Variants in SUMF2 observed in about 807,000 individuals in gnomAD.
The protein encoded by SUMF2 is sulfatase modifying factor 2, also known as inactive C-alpha-formylglycine-generating enzyme 2.
SUMF2 carries 45 observed loss-of-function variants against 44.8 expected under a neutral mutation model. The ratio of observed to expected loss-of-function variants is 1.00; its 90% confidence interval spans 0.79 to 1.29. SUMF2 has a LOEUF of 1.29. SUMF2 is among the 50% of genes most tolerant of loss of function. SUMF2 has a pLI of 0.00. For missense variants in SUMF2, 418 were observed against 389.9 expected (o/e 1.07, Z -0.61); for synonymous variants, 148 against 150.4 (o/e 0.98, Z 0.12).
rs1794955023 is a variant in SUMF2 at position 56,068,472 on chromosome 7, T to C, written c.68-10T>C. ...CATGTATTACTGGTAACTCTCTTTT[T>C]TCTCTGCAGGAAATGGACAGGCTAC... On this transcript the variant is annotated splice_polypyrimidine_tract_variant and intron_variant, in intron 1 of 8. Coordinates refer to ENST00000434526, the MANE Select transcript of SUMF2 (RefSeq NM_015411.4). 3 of 1,598,280 alleles carry C rather than the reference T, an allele frequency of 1.9e-6. No homozygotes were observed. The highest frequency in any genetic ancestry group is 1.7e-4 in the Middle Eastern group (1 of 6,032).
the SUMF2 span, chr7:56,087,525 A>G: frequency 6.8e-6 from 10 of 1,472,482 alleles, no homozygotes; most frequent in Admixed American, 1.7e-5. Flanking sequence ...GTGGGGCCAC[A>G]CTCCCTGGCT....
intron 5 of SUMF2, among the ~76,000 whole-genome samples, chr7:56,075,462 C>T (rs1030024484): frequency 1.3e-5 from 2 of 151,758 alleles, no homozygotes; most frequent in African/African-American, 2.4e-5. Context: ...TTTGGGAGGC[C>T]GAGGTGGGTG....
intron 2 of SUMF2, among the ~76,000 whole-genome samples, 167 bp downstream of exon 2, chr7:56,068,805 C>A (rs1392110162): frequency 2.6e-5 from 4 of 151,720 alleles, no homozygotes; most frequent in Non-Finnish European, 5.9e-5. Flanking sequence ...CGGGTTCAAG[C>A]AATTCTCCTG....
chr7:56,067,617 G>C (rs903599386), intron 1 of SUMF2, among the ~76,000 whole-genome samples: 1 of 152,032 alleles, frequency 6.6e-6, no homozygotes, highest in Non-Finnish European at 1.5e-5. Flanking sequence ...TCTCAGCTGG[G>C]CGTGCTGGCT....
At chr7:56,086,603 C>T in the SUMF2 span, among the ~76,000 whole-genome samples, 1 of 152,146 alleles carries the variant, frequency 6.6e-6, no homozygotes, top group African/African-American at 2.4e-5. Context: ...ATTCTCCTGC[C>T]TCAGCCTCCC....
At chr7:56,070,022 C>T (rs528863158) in intron 2 of SUMF2, among the ~76,000 whole-genome samples, 5 of 152,254 alleles carry the variant, frequency 3.3e-5, no homozygotes, top group African/African-American at 9.6e-5. Flanking sequence ...GATTCTCCTA[C>T]CTCAGCCTCC....
Position 56,078,493 on chromosome 7 carries a change from C to T in SUMF2, c.806C>T (p.Ala269Val), listed in dbSNP as rs1396266826. The T allele has an allele frequency of 1.3e-6, 2 of 1,577,130 alleles. No homozygotes were observed. Among genetic ancestry groups the T allele is most frequent in the Non-Finnish European group, 8.6e-7 (1 of 1,160,974 alleles). The change falls in exon 8 of 9, where the codon GCC becomes GTC. Residue 269 changes from alanine (A) to valine (V), a missense_variant. Coordinates refer to ENST00000434526, the MANE Select transcript of SUMF2 (RefSeq NM_015411.4). The part of the protein sequence containing the change: ...DTADGSANHR[A>V]RVTTRMGNTP... Reference sequence around the variant, plus strand: ...GCTGATGGCTCTGCCAATCACCGGGCCCGGGTCACCACCAGGTAAGGGGCT... The same window carrying T: ...GCTGATGGCTCTGCCAATCACCGGGTCCGGGTCACCACCAGGTAAGGGGCT...
At chr7:56,079,040 G>A in intron 8 of SUMF2, 1 of 558,512 alleles carries the variant, frequency 1.8e-6, no homozygotes, top group Middle Eastern at 2.8e-4. Flanking sequence ...GGGACTACAG[G>A]TGCGGCTAAT....
downstream of SUMF2, chr7:56,081,984 T>C: frequency 6.2e-7 from 1 of 1,613,936 alleles, no homozygotes. The surrounding 1 kb of genome is among the most constrained non-coding windows in gnomAD (Gnocchi z 4.6). Flanking sequence ...CAGCATCTGC[T>C]TCCGGTGCCA....
downstream of SUMF2, among the ~76,000 whole-genome samples, chr7:56,085,469 G>A (rs749397699): frequency 3.3e-5 from 5 of 152,148 alleles, no homozygotes; most frequent in African/African-American, 4.8e-5. Flanking sequence ...GAAATAAGGG[G>A]CTCATCTTAC....
chr7:56,072,568 C>T (rs930885541), intron 2 of SUMF2, among the ~76,000 whole-genome samples: 2 of 151,930 alleles, frequency 1.3e-5, no homozygotes, highest in Admixed American at 1.3e-4. Flanking sequence ...ACTAAAAATA[C>T]AAAAATTACC....
chr7:56,083,151 T>A, downstream of SUMF2: 2 of 818,608 alleles, frequency 2.4e-6, no homozygotes, highest in Non-Finnish European at 3.8e-6. Flanking sequence ...TCCCTAGCCC[T>A]TGAAATGGTG....
downstream of SUMF2, chr7:56,082,053 A>G (rs1796026800): frequency 6.2e-7 from 1 of 1,611,582 alleles, no homozygotes; most frequent in South Asian, 1.1e-5. Context: ...CCACCTGGAC[A>G]TGCGAGGGCC....
intron 1 of SUMF2, among the ~76,000 whole-genome samples, chr7:56,064,688 A>G (rs1225952609): frequency 1.3e-5 from 2 of 150,298 alleles, no homozygotes; most frequent in African/African-American, 4.9e-5. Context: ...AGCCTGGCCA[A>G]CGTGAAACCC....
intron 6 of SUMF2, among the ~76,000 whole-genome samples, chr7:56,077,459 C>A (rs1795639894): frequency 6.7e-6 from 1 of 150,206 alleles, no homozygotes; most frequent in South Asian, 2.1e-4. Flanking sequence ...GTCAGGAGTT[C>A]AAGACCAGCC....
chr7:56,064,328 T>TA lies in SUMF2; in HGVS notation c.18dup (p.Pro7ThrfsTer23), dbSNP rs755582752. On this transcript the variant is annotated frameshift_variant, in exon 1 of 9. Transcript: ENST00000434526. LOFTEE classifies it high-confidence loss of function. ...GCAGTCCTGATGGCCCGGCATGGGT[T>TA]ACCGCTGCTGCCCCTGCTGTCGCTC... 5.0e-6 allele frequency: 8 copies of TA among 1,599,044 alleles called. No homozygotes were observed. The highest frequency in any genetic ancestry group is 3.4e-6 in the Non-Finnish European group (4 of 1,173,394).
Position 56,078,979 on chromosome 7 carries a change from C to G in SUMF2, c.821+471C>G. The stretch of plus-strand genomic sequence containing the variant: ...TGGCACAGTCTCAGCTCACTACAGC[C>G]TCAAACTGCCAGGCTCTAGCGATTC... On this transcript the variant is annotated intron_variant, in intron 8 of 8. Transcript: ENST00000434526. The G allele has an allele frequency of 4.8e-6, 3 of 627,494 alleles. No homozygotes were observed. The South Asian group carries it at 5.5e-5, about 12-fold the overall frequency. The allele number at this position is 627,494 out of a possible 1,614,324, so 38.9% of individuals were successfully genotyped here. A position where few individuals can be genotyped will look rare whatever the true frequency, so the allele number is the denominator to read the frequency against.
intron 3 of SUMF2, 129 bp from the exon 4 acceptor site, chr7:56,074,037 AAAAAAAAT>A: frequency 6.4e-6 from 4 of 621,242 alleles, no homozygotes; most frequent in East Asian, 3.0e-5. Context: ...AAAAAAAAAA[AAAAAAAAT>A]CAGCCACAAC....
chr7:56,075,189 T>G (rs1297798585), intron 5 of SUMF2, among the ~76,000 whole-genome samples: 2 of 151,670 alleles, frequency 1.3e-5, no homozygotes, highest in Non-Finnish European at 2.9e-5. Flanking sequence ...CAGTGTTTTT[T>G]TTTTTTTTTA....
Sources: gnomAD v4.1 joint callset for allele counts (sites outside exome capture counted in the v4.1 genomes callset) on GRCh38, gnomAD v4.1.1 for gene constraint, Gnocchi (gnomAD v3.1) non-coding constraint, MANE v1.5 for transcripts, NCBI Gene and HGNC (gene_info 2026-07-23, HGNC 2026-07-21) for gene names.